The following ST8SIA6 variants were observed in gnomAD, a reference collection of about 807,000 sequenced individuals.
The protein encoded by ST8SIA6 is alpha-2,8-sialyltransferase 8F.
In ST8SIA6, 39 loss-of-function variants were observed where a neutral mutation model predicts 33.6. The observed-to-expected ratio is 1.16, with a 90% confidence interval of 0.90 to 1.52. The LOEUF is 1.52. Ranked by LOEUF, ST8SIA6 falls within the 40% of genes most tolerant of loss-of-function variation. The pLI, the probability that ST8SIA6 is intolerant of heterozygous loss-of-function variation, is 0.00. For synonymous variants in ST8SIA6, 172 were observed against 167.2 expected, an observed-to-expected ratio of 1.03 and a Z score of -0.22; for missense variants, 441 against 443.8, an observed-to-expected ratio of 0.99 and a Z score of 0.06.
At chr10:17,346,262 C>T (rs1848829643) in intron 4 of ST8SIA6, among the ~76,000 whole-genome samples, 1 of 152,268 alleles carries the variant, frequency 6.6e-6, no homozygotes. Context: ...CCAACTCAGG[C>T]GAGCTCTCAG....
chr10:17,442,914 C>T lies in ST8SIA6; in HGVS notation c.200+10645G>A, dbSNP rs557664608. Among the ~76,000 whole-genome samples, 7 of 152,294 alleles carry T rather than the reference C, an allele frequency of 4.6e-5. 1 individual carries two copies. The highest frequency in any genetic ancestry group is 1.7e-4 in the African/African-American group (7 of 41,570). Reference sequence around the variant, plus strand: ...CAAAAACCTAGACAAGGCAACAAAACTCAAATCCCAAAAAGCTGCTGTTCT... The same window carrying T: ...CAAAAACCTAGACAAGGCAACAAAATTCAAATCCCAAAAAGCTGCTGTTCT... On this transcript the variant is annotated intron_variant, in intron 2 of 7. Transcript: ENST00000377602.
intron 2 of ST8SIA6, among the ~76,000 whole-genome samples, chr10:17,394,150 T>A (rs1188470191): frequency 1.3e-5 from 2 of 152,040 alleles, no homozygotes; most frequent in African/African-American, 2.4e-5. Flanking sequence ...GGGTATCTTT[T>A]TAAATAAAAA....
intron 2 of ST8SIA6, among the ~76,000 whole-genome samples, chr10:17,405,948 C>T (rs984692629): frequency 1.3e-5 from 2 of 151,004 alleles, no homozygotes; most frequent in African/African-American, 4.9e-5. Context: ...TCCTCAGGTG[C>T]AAAATGAGAA....
At chr10:17,450,597 C>A (rs1044973475) in intron 2 of ST8SIA6, among the ~76,000 whole-genome samples, 3 of 152,122 alleles carry the variant, frequency 2.0e-5, no homozygotes, top group African/African-American at 7.2e-5. Flanking sequence ...CACACACTCA[C>A]ACCCAGCTAA....
At chr10:17,442,688 C>A (rs761165309) in intron 2 of ST8SIA6, among the ~76,000 whole-genome samples, 2 of 152,122 alleles carry the variant, frequency 1.3e-5, no homozygotes, top group African/African-American at 4.8e-5. Context: ...TATTCAAATT[C>A]TTTGTTAATA....
At chr10:17,361,129 C>A (rs1202741229) in intron 3 of ST8SIA6, among the ~76,000 whole-genome samples, 1 of 151,948 alleles carries the variant, frequency 6.6e-6, no homozygotes, top group Non-Finnish European at 1.5e-5. Flanking sequence ...AATATTACTA[C>A]AAGAAAATAA....
intron 2 of ST8SIA6, among the ~76,000 whole-genome samples, chr10:17,436,947 C>T (rs975702390): frequency 6.6e-6 from 1 of 152,120 alleles, no homozygotes; most frequent in Non-Finnish European, 1.5e-5. Context: ...ACTGTGAATA[C>T]ATTAAACTTC....
chr10:17,434,798 A>G (rs1414931287), intron 2 of ST8SIA6, among the ~76,000 whole-genome samples: 1 of 152,182 alleles, frequency 6.6e-6, no homozygotes, highest in Non-Finnish European at 1.5e-5. Flanking sequence ...TGGGTAAAGT[A>G]AATAATGAGG....
intron 4 of ST8SIA6, among the ~76,000 whole-genome samples, chr10:17,341,964 C>T (rs139961832): frequency 1.4e-5 from 2 of 147,420 alleles, no homozygotes; most frequent in South Asian, 2.2e-4. Flanking sequence ...CTGTCTATAA[C>T]CCAGAAGAGG....
At chr10:17,425,678 AGAAG>A (rs907401670) in intron 2 of ST8SIA6, among the ~76,000 whole-genome samples, 5 of 150,404 alleles carry the variant, frequency 3.3e-5, no homozygotes, top group East Asian at 3.9e-4. Flanking sequence ...AGAAAGAAAA[AGAAG>A]GAAGGAAGGA....
intron 3 of ST8SIA6, among the ~76,000 whole-genome samples, chr10:17,372,218 C>T (rs1849758431): frequency 6.6e-6 from 1 of 152,144 alleles, no homozygotes; most frequent in Admixed American, 6.5e-5. Context: ...GGTACTGCTA[C>T]GTAAGATAAT....
At position 17,316,103 on chromosome 10, in the gene ST8SIA6, G is replaced by C. The variant is rs1477615865; in HGVS notation, c.*4775C>G. 6.6e-6 allele frequency among the ~76,000 whole-genome samples: 1 copy of C among 151,742 alleles called. No individual in the cohort carries two copies. Among genetic ancestry groups the C allele is most frequent in the Non-Finnish European group, 1.5e-5 (1 of 67,842 alleles). ...GAGTATAAGAATATATATGTCAAAG[G>C]CTTGCTGTATTAAATATAATAACAT... is the stretch of plus-strand genomic sequence containing the variant. On this transcript the variant is annotated 3_prime_UTR_variant, in exon 8 of 8. Transcript: ENST00000377602.
At chr10:17,365,145 AAAG>A (rs1294240044) in intron 3 of ST8SIA6, among the ~76,000 whole-genome samples, 2 of 152,188 alleles carry the variant, frequency 1.3e-5, no homozygotes, top group African/African-American at 4.8e-5. Context: ...GTTATGTTCA[AAAG>A]AATAATGTCT....
intron 3 of ST8SIA6, among the ~76,000 whole-genome samples, chr10:17,389,866 A>T (rs1850521415): frequency 6.6e-6 from 1 of 152,166 alleles, no homozygotes; most frequent in Non-Finnish European, 1.5e-5. Context: ...TCTGTCACCC[A>T]GGCTGGACGA....
In ST8SIA6 at chr10:17,333,702, T is replaced by TAA. The variant is rs1564404999; in HGVS notation, c.378-2151_378-2150insTT. 4.2e-4 allele frequency among the ~76,000 whole-genome samples: 12 copies of TAA among 28,620 alleles called. 1 individual carries two copies. The highest frequency in any genetic ancestry group is 2.0e-3 in the African/African-American group (12 of 5,916). 18.8% of individuals were successfully genotyped at this position (28,620 alleles called of 152,430 possible). ...ATATATATATATATATATATATATA[T>TAA]ATATATATATATATATTTTTTTTTT... On this transcript the variant is annotated intron_variant, in intron 4 of 7. Transcript: ENST00000377602.
At chr10:17,387,894 G>C (rs1476198844) in intron 3 of ST8SIA6, among the ~76,000 whole-genome samples, 1 of 152,214 alleles carries the variant, frequency 6.6e-6, no homozygotes, top group East Asian at 1.9e-4. Flanking sequence ...AATGCCCACT[G>C]TATATCTGGA....
At chr10:17,327,642 A>G (rs1848176854) in intron 5 of ST8SIA6, among the ~76,000 whole-genome samples, 1 of 148,450 alleles carries the variant, frequency 6.7e-6, no homozygotes, top group Admixed American at 6.6e-5. Context: ...AGTGGCTCAC[A>G]TCTGTAATCC....
chr10:17,422,066 A>G (rs1851795034), intron 2 of ST8SIA6, among the ~76,000 whole-genome samples: 1 of 152,024 alleles, frequency 6.6e-6, no homozygotes, highest in Non-Finnish European at 1.5e-5. Context: ...GATAACTTCA[A>G]TCCTAAATCT....
At chr10:17,411,623 C>T (rs1195435597) in intron 2 of ST8SIA6, among the ~76,000 whole-genome samples, 1 of 152,210 alleles carries the variant, frequency 6.6e-6, no homozygotes, top group Non-Finnish European at 1.5e-5. Flanking sequence ...GCTACTTTGT[C>T]TTGTTGCAGA....
Sources: allele counts gnomAD v4.1 joint callset (sites outside exome capture counted in the v4.1 genomes callset), GRCh38; gene constraint gnomAD v4.1.1; transcripts MANE v1.5; gene names NCBI Gene and HGNC (gene_info 2026-07-23, HGNC 2026-07-21).